Variants in DOP1A observed in about 807,000 individuals in gnomAD.
DOP1A encodes protein DOP1A.
In DOP1A, 90 loss-of-function variants were observed where a neutral mutation model predicts 267.6. The observed-to-expected ratio is 0.34, with a 90% CI of 0.28 to 0.40. DOP1A has a LOEUF of 0.40. Among genes scored for constraint, DOP1A ranks in the 10% least tolerant of loss-of-function variants. DOP1A has a pLI of 1.00. For missense variants in DOP1A, 2,437 were observed against 2,900.4 expected, an observed-to-expected ratio of 0.84 and a Z score of 3.67; for synonymous variants, 932 against 999.1, an observed-to-expected ratio of 0.93 and a Z score of 1.27.
At chr6:83,071,382 T>C (rs774781270) in intron 1 of DOP1A, among the ~76,000 whole-genome samples, 1 of 152,106 alleles carries the variant, frequency 6.6e-6, no homozygotes, top group African/African-American at 2.4e-5. Context: ...AACTTTTGTA[T>C]TTTTAGCAGA....
At chr6:83,111,862 T>G (rs1774614204) in intron 6 of DOP1A, among the ~76,000 whole-genome samples, 1 of 152,106 alleles carries the variant, frequency 6.6e-6, no homozygotes, top group South Asian at 2.1e-4. Context: ...AGCAAAAAAG[T>G]TTTAATTTTG....
intron 24 of DOP1A, among the ~76,000 whole-genome samples, chr6:83,142,874 G>A (rs2128286793): frequency 6.6e-6 from 1 of 152,050 alleles, no homozygotes; most frequent in South Asian, 2.1e-4. Context: ...GCTCTATATT[G>A]AAAACAAATC....
intron 33 of DOP1A, among the ~76,000 whole-genome samples, chr6:83,155,427 A>T (rs1466727682): frequency 6.6e-6 from 1 of 152,146 alleles, no homozygotes; most frequent in Non-Finnish European, 1.5e-5. Context: ...TGCCCACTGC[A>T]CTTCAGACTG....
chr6:83,148,667 A>G lies in DOP1A; in HGVS notation c.5733-92A>G, dbSNP rs900169597. ...GTAAAGTTTTTAGGAATTTTGTTCT[A>G]TCATTGTCTATAAAAATTTAGAGAA... On this transcript the variant is annotated intron_variant, in intron 26 of 38. Transcript: ENST00000349129. 1.0e-5 allele frequency: 8 copies of G among 803,406 alleles called. No homozygotes were observed. In the Admixed American group the frequency reaches 2.2e-4, roughly 22 times the overall value. 49.8% of individuals were successfully genotyped at this position (803,406 alleles called of 1,614,324 possible).
intron 1 of DOP1A, among the ~76,000 whole-genome samples, chr6:83,068,687 C>G (rs1785110563): frequency 2.6e-5 from 4 of 152,194 alleles, no homozygotes; most frequent in Admixed American, 2.6e-4. Context: ...TAAGTTCTCA[C>G]ATTTTAATTT....
At chr6:83,101,309 C>T in intron 4 of DOP1A, among the ~76,000 whole-genome samples, 1 of 152,216 alleles carries the variant, frequency 6.6e-6, no homozygotes, top group Non-Finnish European at 1.5e-5. Context: ...AGCCACCGCG[C>T]CTGGCCTCAG....
intron 1 of DOP1A, among the ~76,000 whole-genome samples, chr6:83,088,612 G>A (rs191216899): frequency 2.1e-4 from 32 of 151,838 alleles, no homozygotes; most frequent in Non-Finnish European, 3.5e-4. Flanking sequence ...TAGTAGAGAC[G>A]GGTTTCACCA....
chr6:83,083,695 G>A (rs900853105), intron 1 of DOP1A, among the ~76,000 whole-genome samples: 2 of 152,142 alleles, frequency 1.3e-5, no homozygotes, highest in African/African-American at 4.8e-5. Flanking sequence ...TGAGTAATAC[G>A]TGGACAATGT....
At chr6:83,069,029 G>A (rs1024123578) in intron 1 of DOP1A, among the ~76,000 whole-genome samples, 1 of 152,326 alleles carries the variant, frequency 6.6e-6, no homozygotes, top group Admixed American at 6.5e-5. Context: ...TGTAAGGTAA[G>A]TGTTGTCAGT....
intron 19 of DOP1A, among the ~76,000 whole-genome samples, chr6:83,135,406 T>G (rs1223406367): frequency 6.6e-6 from 1 of 151,988 alleles, no homozygotes; most frequent in Non-Finnish European, 1.5e-5. Context: ...CATGAGTATA[T>G]TTTTAAAAGG....
At chr6:83,104,883 A>G (rs1773307311) in intron 4 of DOP1A, among the ~76,000 whole-genome samples, 2 of 151,448 alleles carry the variant, frequency 1.3e-5, no homozygotes, top group South Asian at 4.2e-4. Context: ...CAATTTTGTT[A>G]GTCTTTTTAA....
chr6:83,113,413 A>G lies in DOP1A; in HGVS notation c.772A>G (p.Met258Val), dbSNP rs763537300. ...DLILFCFPFH[M>V]SQATRPDMIR... ...CATACTCTTCTGTTTTCCATTCCAC[A>G]TGAGTCAGGTAAAATATTAACGCCG... The change falls in exon 7 of 39, where the codon ATG becomes GTG. Residue 258 changes from methionine to valine, a missense_variant. Transcript: ENST00000349129. 2 of 1,613,312 alleles carry G rather than the reference A, an allele frequency of 1.2e-6. No homozygotes were observed. The highest frequency in any genetic ancestry group is 1.3e-5 in the African/African-American group (1 of 74,898).
chr6:83,139,001 A>G lies in DOP1A; in HGVS notation c.4959A>G (p.Ala1653=), dbSNP rs1220526112. ...TACGAGCTTTGCATCAGCACTGTGC[A>G]TGTAAGATGCACCCACAATGGATTG... ...AVIRALHQHC[A]CKMHPQWIGL... is the part of the protein sequence containing the mutation. The change falls in exon 21 of 39, where the codon GCA becomes GCG. Residue 1653 remains alanine, a synonymous_variant. Coordinates refer to ENST00000349129, the MANE Select transcript of DOP1A (RefSeq NM_015018.4). 1.2e-6 allele frequency: 2 copies of G among 1,614,118 alleles called. No individual in the cohort carries two copies. The highest frequency in any genetic ancestry group is 2.2e-5 in the South Asian group (2 of 91,084).
intron 27 of DOP1A, among the ~76,000 whole-genome samples, chr6:83,150,916 C>T (rs1243615569): frequency 1.3e-5 from 2 of 152,044 alleles, no homozygotes; most frequent in Admixed American, 1.3e-4. Context: ...ATTACAAACC[C>T]AAATTAAGAA....
chr6:83,159,873 A>T lies in DOP1A; in HGVS notation c.6875A>T (p.Gln2292Leu). The T allele has an allele frequency of 1.2e-6, 2 of 1,614,156 alleles. No homozygotes were observed. Among genetic ancestry groups the T allele is most frequent in the Non-Finnish European group, 1.7e-6 (2 of 1,180,024 alleles). The change falls in exon 37 of 39, where the codon CAG (glutamine) becomes CTG (leucine). Residue 2292 changes from glutamine (Q) to leucine (L), a missense_variant. By Grantham distance (113) the Gln-to-Leu change is moderately radical. Around this residue, in one of 9 missense-constraint regions of DOP1A, gnomAD observed 197 missense variants for 246.5 expected, o/e 0.80. Transcript: ENST00000349129. ...GGCTTCTCTACTTCATATAACAGCC[A>T]GCGGTGGTTAAACCTCTATCTCTCT... ...GNGFSTSYNS[Q>L]RWLNLYLSAC...
chr6:83,154,432 A>G (rs1462016645), intron 33 of DOP1A, among the ~76,000 whole-genome samples, 191 bp downstream of exon 33: 1 of 152,232 alleles, frequency 6.6e-6, no homozygotes, highest in Non-Finnish European at 1.5e-5. Flanking sequence ...AAATTTACAG[A>G]GGACAACTTA....
intron 1 of DOP1A, among the ~76,000 whole-genome samples, chr6:83,068,598 GT>G (rs1220520346): frequency 1.3e-5 from 2 of 152,188 alleles, no homozygotes; most frequent in African/African-American, 4.8e-5. Flanking sequence ...GTAGGAAACT[GT>G]TTGCCTGACA....
At chr6:83,148,280 C>T (rs1185493860) in intron 26 of DOP1A, among the ~76,000 whole-genome samples, 1 of 151,908 alleles carries the variant, frequency 6.6e-6, no homozygotes, top group African/African-American at 2.4e-5. Context: ...GGCATGGCAG[C>T]GCACGCCTGT....
intron 38 of DOP1A, 43 bp downstream of exon 38, chr6:83,162,962 T>C (rs200827301): frequency 4.7e-4 from 743 of 1,577,644 alleles, no homozygotes; most frequent in Non-Finnish European, 5.8e-4. Context: ...CATCACTACA[T>C]GTTGCATTAG....
Sources: gnomAD v4.1 joint callset for allele counts (sites outside exome capture counted in the v4.1 genomes callset) on GRCh38, gnomAD v4.1.1 for gene constraint, gnomAD v4.1.1 regional missense constraint, MANE v1.5 for transcripts, NCBI Gene and HGNC (gene_info 2026-07-23, HGNC 2026-07-21) for gene names.